Variants in MXRA7 observed in about 807,000 individuals in gnomAD.
The protein encoded by MXRA7 is matrix remodeling associated 7, also known as matrix-remodeling-associated protein 7.
MXRA7 carries 18 observed loss-of-function variants against 17.4 expected under a neutral mutation model. The observed-to-expected ratio is 1.03, with a 90% confidence interval of 0.71 to 1.53. The LOEUF (loss-of-function observed/expected upper bound fraction) is 1.53, where lower values mean the gene tolerates loss of function less well. Ranked by LOEUF, MXRA7 falls within the 40% of genes most tolerant of loss-of-function variation. MXRA7 has a pLI of 0.00. For synonymous variants in MXRA7, 70 were observed against 101.7 expected, an observed-to-expected ratio of 0.69 and a Z score of 1.87; for missense variants, 141 against 209.3, an observed-to-expected ratio of 0.67 and a Z score of 2.01.
At chr17:76,672,675 T>G (rs2076211297) in exon 4 of MXRA7, 1 of 148,992 alleles carries the variant, frequency 6.7e-6, no homozygotes, top group Non-Finnish European at 1.5e-5. Flanking sequence ...GGGCTGGTAC[T>G]ACAGCCCAGC....
intron 1 of MXRA7, among the ~76,000 whole-genome samples, chr17:76,709,326 C>A (rs1441834071): frequency 3.3e-5 from 5 of 152,208 alleles, no homozygotes; most frequent in Non-Finnish European, 7.3e-5. Flanking sequence ...CCAAACCGCG[C>A]CCCCTCCACC....
chr17:76,688,206 T>G (rs761127929), intron 1 of MXRA7, 30 bp from the exon 2 acceptor site: 17 of 1,613,572 alleles, frequency 1.1e-5, no homozygotes, highest in Admixed American at 5.0e-5. Context: ...TCAGTGCCCT[T>G]GGCACAGACT....
chr17:76,685,018 G>T, intron 3 of MXRA7, 54 bp downstream of exon 3: 1 of 1,483,184 alleles, frequency 6.7e-7, no homozygotes, highest in Non-Finnish European at 9.4e-7. Flanking sequence ...GCTCAGAGGG[G>T]CACCCCCCTC....
intron 1 of MXRA7, among the ~76,000 whole-genome samples, chr17:76,705,633 A>G (rs1281103658): frequency 1.3e-5 from 2 of 152,052 alleles, no homozygotes; most frequent in Non-Finnish European, 2.9e-5. Context: ...ACGATGGTGG[A>G]GTCCCTACAA....
At chr17:76,702,010 C>G (rs920369119) in intron 1 of MXRA7, among the ~76,000 whole-genome samples, 21 of 152,320 alleles carry the variant, frequency 1.4e-4, no homozygotes, top group East Asian at 3.9e-4. Context: ...TCTTGGGCAG[C>G]AATCTGTACT....
At chr17:76,697,853 C>A (rs1219209686) in intron 1 of MXRA7, among the ~76,000 whole-genome samples, 1 of 150,330 alleles carries the variant, frequency 6.7e-6, no homozygotes, top group Admixed American at 6.7e-5. Flanking sequence ...CTGATTCAAG[C>A]TAATTCAAGC....
intron 1 of MXRA7, among the ~76,000 whole-genome samples, chr17:76,694,635 T>G (rs1454889835): frequency 6.6e-6 from 1 of 152,118 alleles, no homozygotes; most frequent in Admixed American, 6.5e-5. Context: ...CCCAGGCTGT[T>G]GGTAGAGTGA....
At chr17:76,693,136 T>C (rs1453854905) in intron 1 of MXRA7, among the ~76,000 whole-genome samples, 1 of 152,218 alleles carries the variant, frequency 6.6e-6, no homozygotes, top group African/African-American at 2.4e-5. Context: ...TTATTAAAAC[T>C]GCACTAAGAC....
At chr17:76,688,362 A>G in intron 1 of MXRA7, 186 bp from the exon 2 acceptor site, 1 of 1,437,646 alleles carries the variant, frequency 7.0e-7, no homozygotes, top group Non-Finnish European at 9.1e-7. Flanking sequence ...GATGGGCCAA[A>G]GTGACTCGGC....
downstream of MXRA7, chr17:76,675,663 T>G (rs931902796): frequency 6.6e-6 from 1 of 152,192 alleles, no homozygotes; most frequent in Non-Finnish European, 1.5e-5. Context: ...ATAACATGGT[T>G]AAATGCTTTT....
At chr17:76,702,273 G>C (rs547361599) in intron 1 of MXRA7, among the ~76,000 whole-genome samples, 1 of 152,336 alleles carries the variant, frequency 6.6e-6, no homozygotes, top group African/African-American at 2.4e-5. Flanking sequence ...TCAGGAGGCA[G>C]AGGCAGGAGG....
intron 1 of MXRA7, among the ~76,000 whole-genome samples, chr17:76,699,231 A>G (rs547036336): frequency 6.6e-6 from 1 of 151,680 alleles, no homozygotes; most frequent in Non-Finnish European, 1.5e-5. Flanking sequence ...TGCAGCCTCA[A>G]CCTCCCTGGG....
intron 3 of MXRA7, among the ~76,000 whole-genome samples, chr17:76,684,464 C>T (rs148490986): frequency 1.3e-3 from 201 of 152,282 alleles, no homozygotes; most frequent in African/African-American, 4.6e-3. Context: ...CCCACTGTGC[C>T]CAGCGCACCC....
intron 1 of MXRA7, among the ~76,000 whole-genome samples, chr17:76,695,824 G>T (rs1315945529): frequency 6.6e-6 from 1 of 152,184 alleles, no homozygotes; most frequent in African/African-American, 2.4e-5. Flanking sequence ...TGGGTGTTGT[G>T]GCTTATGCCT....
At chr17:76,687,565 G>A (rs1228580161) in intron 2 of MXRA7, among the ~76,000 whole-genome samples, 1 of 152,164 alleles carries the variant, frequency 6.6e-6, no homozygotes, top group African/African-American at 2.4e-5. Context: ...GTTTGGTTCC[G>A]CCTCTGTCTG....
At chr17:76,698,952 T>A (rs1159081888) in intron 1 of MXRA7, among the ~76,000 whole-genome samples, 2 of 151,950 alleles carry the variant, frequency 1.3e-5, no homozygotes, top group Non-Finnish European at 2.9e-5. Flanking sequence ...AACTCCTGAC[T>A]TCAAGTGATC....
At chr17:76,701,412 T>C (rs2076590160) in intron 1 of MXRA7, among the ~76,000 whole-genome samples, 2 of 151,308 alleles carry the variant, frequency 1.3e-5, no homozygotes, top group South Asian at 4.2e-4. Flanking sequence ...GCAGCAGAAA[T>C]GAGGCACTTG....
intron 1 of MXRA7, among the ~76,000 whole-genome samples, chr17:76,704,457 G>A (rs1390766813): frequency 4.8e-4 from 70 of 147,184 alleles, no homozygotes; most frequent in African/African-American, 1.7e-3. Context: ...CGCCCGCCTC[G>A]GCCTCCCAAA....
chr17:76,710,784 C>T lies in MXRA7; in HGVS notation c.163G>A (p.Ala55Thr), dbSNP rs1194979251. The part of the protein sequence containing the change: ...APPAEATGAP[A>T]PSRPCAPEPA... ...TCGGGGGCGCAGGGGCGGGACGGCG[C>T]CGGGGCCCCGGTGGCCTCGGCCGGG... Residue 55 changes from alanine (A) to threonine (T), a missense_variant, in exon 1 of 4, where the codon GCG becomes ACG. Transcript: ENST00000449428. 2.0e-6 allele frequency: 2 copies of T among 982,692 alleles called. No individual in the cohort carries two copies. Among genetic ancestry groups the T allele is most frequent in the Non-Finnish European group, 2.5e-6 (2 of 813,702 alleles). 60.9% of individuals were successfully genotyped at this position (982,692 alleles called of 1,614,324 possible). A position where few individuals can be genotyped will look rare whatever the true frequency, so the allele number is the denominator to read the frequency against.
Sources: gnomAD v4.1 joint callset for allele counts (sites outside exome capture counted in the v4.1 genomes callset) on GRCh38, gnomAD v4.1.1 for gene constraint, MANE v1.5 for transcripts, NCBI Gene and HGNC (gene_info 2026-07-23, HGNC 2026-07-21) for gene names.